SUDS3: variants seen among roughly 807,000 people sequenced by gnomAD.
SUDS3 encodes sin3 histone deacetylase corepressor complex component SDS3.
In SUDS3, 23 loss-of-function variants were observed where a neutral mutation model predicts 53.5. That is an observed-to-expected ratio of 0.43 (90% CI 0.31 to 0.61). The LOEUF is 0.61. Among genes scored for constraint, SUDS3 ranks in the 20% least tolerant of loss-of-function variants. The probability of loss-of-function intolerance (pLI) is 0.10; values close to 1 mark genes in which losing one functional copy is unlikely to be tolerated. For missense variants in SUDS3, 291 were observed against 405.9 expected (o/e 0.72, Z 2.43); for synonymous variants, 150 against 148.5 (o/e 1.01, Z -0.08).
chr12:118,407,051 C>G (rs1293747816), intron 10 of SUDS3, among the ~76,000 whole-genome samples: 2 of 151,932 alleles, frequency 1.3e-5, no homozygotes, highest in Non-Finnish European at 2.9e-5. Flanking sequence ...CCTCCATTAC[C>G]ATGCCTGGCT....
chr12:118,394,405 T>C (rs962793142), intron 6 of SUDS3, among the ~76,000 whole-genome samples: 1 of 152,174 alleles, frequency 6.6e-6, no homozygotes, highest in South Asian at 2.1e-4. Flanking sequence ...AGCCATTTGC[T>C]CACAGTCCCT....
intron 5 of SUDS3, chr12:118,390,890 T>A (rs911056444): frequency 2.4e-4 from 142 of 585,308 alleles, no homozygotes; most frequent in Middle Eastern, 1.8e-3. Context: ...ATATAGGATG[T>A]GGAAGCGAAA....
At chr12:118,389,821 A>G in intron 4 of SUDS3, 106 bp from the exon 5 acceptor site, 1 of 1,355,128 alleles carries the variant, frequency 7.4e-7, no homozygotes, top group East Asian at 2.3e-5. Flanking sequence ...TTTGCTTTGT[A>G]ACATGCTTTC....
intron 3 of SUDS3, among the ~76,000 whole-genome samples, chr12:118,384,812 A>G (rs1252155056): frequency 6.6e-6 from 1 of 151,382 alleles, no homozygotes; most frequent in East Asian, 2.0e-4. Flanking sequence ...AGCATGGGCG[A>G]CAAAGCGAGA....
In SUDS3 at chr12:118,391,121, C is replaced by T. The variant is rs141245933; in HGVS notation, c.361-5C>T. The T allele has an allele frequency of 1.2e-3, 1,880 of 1,612,402 alleles. 13 individuals carry two copies. In the African/African-American group the frequency reaches 0.023, roughly 19 times the overall value. On this transcript the variant is annotated splice_region_variant and splice_polypyrimidine_tract_variant and intron_variant, in intron 5 of 11. Coordinates refer to ENST00000543473, the MANE Select transcript of SUDS3 (RefSeq NM_022491.3). The stretch of plus-strand genomic sequence containing the variant: ...ACTCCCAGCCCGTGTTTCTCTTTTG[C>T]TCAGACTGAACAAGTGGAACGAAAT...
chr12:118,386,242 C>T (rs375990465), intron 4 of SUDS3, 57 bp downstream of exon 4: 71 of 1,392,376 alleles, frequency 5.1e-5, no homozygotes, highest in East Asian at 9.8e-5. Flanking sequence ...ATTTGCCGAT[C>T]GTCGGTGTAA....
intron 10 of SUDS3, among the ~76,000 whole-genome samples, chr12:118,409,259 G>T (rs376182079): frequency 9.8e-4 from 148 of 151,518 alleles, no homozygotes; most frequent in African/African-American, 3.0e-3. Flanking sequence ...CAATTCTCCT[G>T]CCTCAGCCTC....
intron 3 of SUDS3, among the ~76,000 whole-genome samples, 199 bp downstream of exon 3, chr12:118,384,266 CA>C: frequency 6.6e-6 from 1 of 152,222 alleles, no homozygotes; most frequent in East Asian, 1.9e-4. Context: ...CATTTATTTC[CA>C]GTATGTGTGA....
chr12:118,377,225 C>T (rs947655928), intron 1 of SUDS3, among the ~76,000 whole-genome samples: 1 of 152,000 alleles, frequency 6.6e-6, no homozygotes, highest in Non-Finnish European at 1.5e-5. Flanking sequence ...CCCTCCCCAC[C>T]CCCGAAATGC....
At chr12:118,407,722 T>G (rs1413651281) in intron 10 of SUDS3, among the ~76,000 whole-genome samples, 2 of 115,886 alleles carry the variant, frequency 1.7e-5, no homozygotes, top group Non-Finnish European at 4.3e-5. Context: ...TATTTTTGGT[T>G]TTTTTTTTTT....
At chr12:118,391,796 T>C (rs1489277858) in intron 6 of SUDS3, among the ~76,000 whole-genome samples, 2 of 152,224 alleles carry the variant, frequency 1.3e-5, no homozygotes, top group Non-Finnish European at 2.9e-5. Flanking sequence ...GGCTATATCC[T>C]CTATGCTATT....
At chr12:118,407,544 G>A (rs1031598983) in intron 10 of SUDS3, among the ~76,000 whole-genome samples, 22 of 152,222 alleles carry the variant, frequency 1.4e-4, no homozygotes, top group Middle Eastern at 3.4e-3. Context: ...CTGGGTGTTC[G>A]CTTTTAAGTC....
rs1022997324 is a variant in SUDS3, at chr12:118,376,592, G to C, written c.-100G>C. ...GGGGTCGCCGTGGCTGCCGGTCCTCGAGTTGGGGGCTGCCGCGGACACTGC... is the reference window on the plus strand; with the variant it reads ...GGGGTCGCCGTGGCTGCCGGTCCTCCAGTTGGGGGCTGCCGCGGACACTGC... On this transcript the variant is annotated 5_prime_UTR_variant, in exon 1 of 12. Coordinates refer to ENST00000543473, the MANE Select transcript of SUDS3 (RefSeq NM_022491.3). 8.0e-7 allele frequency: 1 copy of C among 1,247,302 alleles called. No homozygotes were observed. Among genetic ancestry groups the C allele is most frequent in the Non-Finnish European group, 1.0e-6 (1 of 993,508 alleles). 77.3% of individuals were successfully genotyped at this position (1,247,302 alleles called of 1,614,324 possible). A position where few individuals can be genotyped will look rare whatever the true frequency, so the allele number is the denominator to read the frequency against.
intron 11 of SUDS3, 137 bp from the exon 12 acceptor site, chr12:118,414,198 A>G: frequency 4.6e-6 from 3 of 651,392 alleles, no homozygotes; most frequent in Admixed American, 6.3e-5. Flanking sequence ...AAGCCCTCAC[A>G]AGTTGAGACA....
At chr12:118,407,684 T>C (rs2046319784) in intron 10 of SUDS3, among the ~76,000 whole-genome samples, 1 of 151,842 alleles carries the variant, frequency 6.6e-6, no homozygotes, top group Admixed American at 6.6e-5. Flanking sequence ...ATATGATACA[T>C]GGATACACAT....
intron 3 of SUDS3, among the ~76,000 whole-genome samples, chr12:118,384,948 T>G (rs184495821): frequency 6.6e-6 from 1 of 152,206 alleles, no homozygotes; most frequent in Non-Finnish European, 1.5e-5. Context: ...ATCTGTTTTC[T>G]GATCTGCAAA....
intron 9 of SUDS3, chr12:118,402,206 G>GT: frequency 1.8e-6 from 1 of 559,336 alleles, no homozygotes; most frequent in Non-Finnish European, 3.1e-6. Context: ...CTGCTTTGTT[G>GT]TTTTTATTTT....
At chr12:118,383,307 C>T (rs2046084472) in intron 2 of SUDS3, among the ~76,000 whole-genome samples, 1 of 152,172 alleles carries the variant, frequency 6.6e-6, no homozygotes, top group Non-Finnish European at 1.5e-5. Context: ...AGCAAAAATA[C>T]TTGCTGAAAT....
chr12:118,408,667 A>C (rs1206479956), intron 10 of SUDS3, among the ~76,000 whole-genome samples: 1 of 150,964 alleles, frequency 6.6e-6, no homozygotes, highest in Non-Finnish European at 1.5e-5. Context: ...AAACACAGGA[A>C]CATAGTTGAC....
Sources: gnomAD v4.1 joint callset for allele counts (sites outside exome capture counted in the v4.1 genomes callset) on GRCh38, gnomAD v4.1.1 for gene constraint, MANE v1.5 for transcripts, NCBI Gene and HGNC (gene_info 2026-07-23, HGNC 2026-07-21) for gene names.